Variants in TRIP10 observed in about 807,000 individuals in gnomAD.
TRIP10 encodes cdc42-interacting protein 4.
A neutral mutation model predicts 80.9 loss-of-function variants in TRIP10; 54 were observed. The ratio of observed to expected loss-of-function variants is 0.67; its 90% CI spans 0.54 to 0.84. The LOEUF (loss-of-function observed/expected upper bound fraction) is 0.84. Ranked by LOEUF, TRIP10 falls within the 40% of genes least tolerant of loss-of-function variation. TRIP10 has a pLI of 0.00. For synonymous variants in TRIP10, 321 were observed against 307.2 expected, an observed-to-expected ratio of 1.04 and a Z score of -0.47; for missense variants, 773 against 815.3, an observed-to-expected ratio of 0.95 and a Z score of 0.63.
Position 6,751,451 on chromosome 19 carries a change from C to CGG in TRIP10, c.*241_*242dup. The CGG allele has an allele frequency of 2.0e-6, 2 of 1,001,220 alleles. No individual in the cohort carries two copies. Among genetic ancestry groups the CGG allele is most frequent in the Middle Eastern group, 3.7e-4 (1 of 2,730 alleles). The allele number at this position is 1,001,220 out of a possible 1,614,324, so 62.0% of individuals were successfully genotyped here. On this transcript the variant is annotated 3_prime_UTR_variant, in exon 15 of 15. Coordinates refer to ENST00000313244, the MANE Select transcript of TRIP10 (RefSeq NM_001288962.2). ...TTTTACATCTTTTCTTTCTGCCGCTCGGCTCCGGCCATTTTGTTTTATACA... is the reference window on the plus strand; with the variant it reads ...TTTTACATCTTTTCTTTCTGCCGCTCGGGGCTCCGGCCATTTTGTTTTATACA...
Position 6,745,206 on chromosome 19 carries a change from G to A in TRIP10, c.984+212G>A. The A allele has an allele frequency of 3.1e-6, 2 of 645,860 alleles. No individual in the cohort carries two copies. The highest frequency in any genetic ancestry group is 5.1e-6 in the Non-Finnish European group (2 of 394,578). The allele number at this position is 645,860 out of a possible 1,614,324, so 40.0% of individuals were successfully genotyped here. Reference sequence around the variant, plus strand: ...CGGGGGCAGGGTGGGGAGGTGGGGAGGTCCGTGGCGTTTGTCTGCTGCTTC... The same window carrying A: ...CGGGGGCAGGGTGGGGAGGTGGGGAAGTCCGTGGCGTTTGTCTGCTGCTTC... On this transcript the variant is annotated intron_variant, in intron 9 of 14. Transcript: ENST00000313244. The surrounding 1 kb of genome is among the most constrained non-coding windows in gnomAD (Gnocchi z 7.2).
Position 6,745,727 on chromosome 19 carries a change from C to G in TRIP10, c.985-302C>G. The G allele has an allele frequency of 1.0e-6, 1 of 985,234 alleles. No individual in the cohort carries two copies. Among genetic ancestry groups the G allele is most frequent in the Non-Finnish European group, 1.2e-6 (1 of 829,886 alleles). The allele number at this position is 985,234 out of a possible 1,614,324, so 61.0% of individuals were successfully genotyped here. On this transcript the variant is annotated intron_variant, in intron 9 of 14. Transcript: ENST00000313244. The surrounding 1 kb of genome is among the most constrained non-coding windows in gnomAD (Gnocchi z 7.2). ...CTCCCGGACATAACATTCCAGAGAC[C>G]TAGGAGATACCGGGGGAGTGAGAGT... is the stretch of plus-strand genomic sequence containing the variant.
At position 6,743,267 on chromosome 19, in the gene TRIP10, A is replaced by C. The variant is rs766801302; in HGVS notation, c.408+11A>C. ...AAACAGCTGGAGAATGTGAGTTTGC[A>C]GAGGTAGCAGTGACTGTGGCCCGGA... On this transcript the variant is annotated intron_variant, in intron 5 of 14. Coordinates refer to ENST00000313244, the MANE Select transcript of TRIP10 (RefSeq NM_001288962.2). The C allele has an allele frequency of 4.2e-5, 68 of 1,613,000 alleles. No individual in the cohort carries two copies. Among genetic ancestry groups the C allele is most frequent in the Middle Eastern group, 1.9e-4 (1 of 5,404 alleles).
chr19:6,749,150 C>T (rs1969212362), intron 11 of TRIP10, among the ~76,000 whole-genome samples: 1 of 152,116 alleles, frequency 6.6e-6, no homozygotes, highest in Non-Finnish European at 1.5e-5. Context: ...CACCATTGCC[C>T]AGGCTGGTCT....
rs773529727 is a variant in TRIP10 at position 6,746,545 on chromosome 19, AAGG to A, written c.1250_1252del (p.Glu417del). On this transcript the variant is annotated inframe_deletion, in exon 11 of 15. Transcript: ENST00000313244. The surrounding 1 kb of genome is among the most constrained non-coding windows in gnomAD (Gnocchi z 6.2). ...GGAAGAACGCAGTCGTGAACTTCAG[AAGG>A]AGGTTGACCAGAGGTAAGGTGGTGG... 1.2e-5 allele frequency: 19 copies of A among 1,614,136 alleles called. No homozygotes were observed. The highest frequency in any genetic ancestry group is 1.6e-5 in the Non-Finnish European group (19 of 1,180,006).
chr19:6,743,303 C>G lies in TRIP10; in HGVS notation c.408+47C>G, dbSNP rs375507956. The G allele has an allele frequency of 5.3e-5, 85 of 1,607,358 alleles. No homozygotes were observed. The African/African-American group carries it at 1.1e-3, about 20-fold the overall frequency. ...TGACTGTGGCCCGGAGGCATGGGGG[C>G]AGGGTTGCGGATCCGGAGTCAGGGA... is the stretch of plus-strand genomic sequence containing the variant. On this transcript the variant is annotated intron_variant, in intron 5 of 14. Coordinates refer to ENST00000313244, the MANE Select transcript of TRIP10 (RefSeq NM_001288962.2).
chr19:6,746,124 C>T lies in TRIP10; in HGVS notation c.1080C>T (p.Ala360=). 2 of 1,548,142 alleles carry T rather than the reference C, an allele frequency of 1.3e-6. No individual in the cohort carries two copies. The highest frequency in any genetic ancestry group is 2.5e-5 in the East Asian group (1 of 40,748). ...PSPRSGRDPL[A]ILSEISKSVK... The stretch of plus-strand genomic sequence containing the variant: ...CCCGCTCCGGCCGTGACCCCTTGGC[C>T]ATACTGAGCGAGATCAGTAAGTCGG... The change falls in exon 10 of 15, where the codon GCC becomes GCT. Residue 360 remains alanine (A), a synonymous_variant. Coordinates refer to ENST00000313244, the MANE Select transcript of TRIP10 (RefSeq NM_001288962.2). This position sits in a 1 kb window ranked among gnomAD's most constrained non-coding sequence, Gnocchi z 6.2.
rs139253875 is a variant in TRIP10 at position 6,751,092 on chromosome 19, G to A, written c.1687G>A (p.Glu563Lys). ...GSSEGTISMA[E>K]GEDLSLMEED... ...CAGCGAGGGCACTATCTCTATGGCCGAGGGTGAAGACCTCAGTCTTATGGA... is the reference window on the plus strand; with the variant it reads ...CAGCGAGGGCACTATCTCTATGGCCAAGGGTGAAGACCTCAGTCTTATGGA... Residue 563 changes from glutamate to lysine, a missense_variant, in exon 15 of 15, where the codon GAG (glutamate) becomes AAG (lysine). Coordinates refer to ENST00000313244, the MANE Select transcript of TRIP10 (RefSeq NM_001288962.2). 1.3e-4 allele frequency: 206 copies of A among 1,602,146 alleles called. 1 individual carries two copies. The African/African-American group carries it at 2.2e-3, about 17-fold the overall frequency.
Position 6,745,981 on chromosome 19 carries a change from G to A in TRIP10, c.985-48G>A, listed in dbSNP as rs1486353903. The A allele has an allele frequency of 6.1e-6, 6 of 976,610 alleles. No individual in the cohort carries two copies. In the South Asian group the frequency reaches 1.6e-4, roughly 26 times the overall value. The allele number at this position is 976,610 out of a possible 1,614,324, so 60.5% of individuals were successfully genotyped here. On this transcript the variant is annotated intron_variant, in intron 9 of 14. Transcript: ENST00000313244. The surrounding 1 kb of genome is among the most constrained non-coding windows in gnomAD (Gnocchi z 7.2). ...GTCCTCACTCTCTACATCCTCCTAT[G>A]CCCCCCCACCCCTTCAACCTATCCC...
chr19:6,743,004 G>A lies in TRIP10; in HGVS notation c.235G>A (p.Glu79Lys). ...ACAGTCCTTCGTACAGATTCTCCAG[G>A]AGGTGAATGACTTTGCAGGCCAGCG... ...QQQSFVQILQ[E>K]VNDFAGQREL... Residue 79 changes from glutamate to lysine, a missense_variant, in exon 4 of 15, where the codon GAG becomes AAG. Coordinates refer to ENST00000313244, the MANE Select transcript of TRIP10 (RefSeq NM_001288962.2). 1 of 1,614,158 alleles carries A rather than the reference G, an allele frequency of 6.2e-7. No individual in the cohort carries two copies. The highest frequency in any genetic ancestry group is 8.5e-7 in the Non-Finnish European group (1 of 1,180,028).
chr19:6,739,816 C>G, intron 1 of TRIP10, 31 bp downstream of exon 1: 1 of 1,449,048 alleles, frequency 6.9e-7, no homozygotes. Flanking sequence ...TCTAAGTTCC[C>G]CTTTGCTGGG....
At chr19:6,739,971 G>A (rs1345904591) in intron 1 of TRIP10, among the ~76,000 whole-genome samples, 186 bp downstream of exon 1, 3 of 152,174 alleles carry the variant, frequency 2.0e-5, no homozygotes, top group African/African-American at 7.2e-5. Context: ...GGGGCGAAGG[G>A]CGACTTTGCC....
rs772150343 is a variant in TRIP10 at position 6,744,620 on chromosome 19, G to C, written c.709G>C (p.Ala237Pro). The change falls in exon 8 of 15, where the codon GCC becomes CCC. Residue 237 changes from alanine to proline, a missense_variant. Ala to Pro is a conservative substitution (Grantham distance 27). Transcript: ENST00000313244. This position sits in a 1 kb window ranked among gnomAD's most constrained non-coding sequence, Gnocchi z 4.9. The part of the protein sequence containing the change: ...LGAGYGLLSE[A>P]ELEVVPIIAK... The stretch of plus-strand genomic sequence containing the variant: ...TGCCGGGTATGGGCTCCTGTCGGAG[G>C]CCGAGCTGGAGGTGGTGCCCATAAT... 6.2e-7 allele frequency: 1 copy of C among 1,613,924 alleles called. No individual in the cohort carries two copies. The highest frequency in any genetic ancestry group is 1.7e-5 in the Admixed American group (1 of 59,934).
chr19:6,747,793 AAATAATAATAAT>A (rs10572023), intron 11 of TRIP10, among the ~76,000 whole-genome samples: 1 of 149,204 alleles, frequency 6.7e-6, no homozygotes, highest in African/African-American at 2.5e-5. Flanking sequence ...TCTCTACCTC[AAATAATAATAAT>A]AATAATAATA....
Position 6,746,289 on chromosome 19 carries a change from G to C in TRIP10, c.1152+93G>C, listed in dbSNP as rs1481943094. 3 of 1,486,022 alleles carry C rather than the reference G, an allele frequency of 2.0e-6. No homozygotes were observed. The highest frequency in any genetic ancestry group is 2.7e-6 in the Non-Finnish European group (3 of 1,111,736). 92.1% of individuals were successfully genotyped at this position (1,486,022 alleles called of 1,614,324 possible). Reference sequence around the variant, plus strand: ...TGGGCTCGCTTCCTGCCGCTGGCTGGGCCCCTCTTCCCTGGTTGCCCAACC... The same window carrying C: ...TGGGCTCGCTTCCTGCCGCTGGCTGCGCCCCTCTTCCCTGGTTGCCCAACC... On this transcript the variant is annotated intron_variant, in intron 10 of 14. Coordinates refer to ENST00000313244, the MANE Select transcript of TRIP10 (RefSeq NM_001288962.2). The surrounding 1 kb of genome is among the most constrained non-coding windows in gnomAD (Gnocchi z 6.2).
At chr19:6,742,779 CAAAAAA>C (rs151261595) in intron 3 of TRIP10, among the ~76,000 whole-genome samples, 182 bp from the exon 4 acceptor site, 2 of 121,708 alleles carry the variant, frequency 1.6e-5, no homozygotes, top group Non-Finnish European at 3.5e-5. Context: ...GACCCTGTCT[CAAAAAA>C]AAAAAAAAAA....
At position 6,745,760 on chromosome 19, in the gene TRIP10, T is replaced by TA; in HGVS notation, c.985-269_985-268insA. On this transcript the variant is annotated intron_variant, in intron 9 of 14. Coordinates refer to ENST00000313244, the MANE Select transcript of TRIP10 (RefSeq NM_001288962.2). The surrounding 1 kb of genome is among the most constrained non-coding windows in gnomAD (Gnocchi z 7.2). The stretch of plus-strand genomic sequence containing the variant: ...TACCGGGGGAGTGAGAGTTCTGGCT[T>TA]TCGGGCTTACAGTTCAACATCCTCC... 1 of 985,328 alleles carries TA rather than the reference T, an allele frequency of 1.0e-6. No individual in the cohort carries two copies. The highest frequency in any genetic ancestry group is 1.2e-6 in the Non-Finnish European group (1 of 829,910). 61.0% of individuals were successfully genotyped at this position (985,328 alleles called of 1,614,324 possible).
chr19:6,750,947 A>T, intron 14 of TRIP10, 116 bp from the exon 15 acceptor site: 1 of 1,385,058 alleles, frequency 7.2e-7, no homozygotes. Flanking sequence ...GGGAGCCAAG[A>T]TCCGTGCCAC....
Position 6,743,790 on chromosome 19 carries a change from G to C in TRIP10, c.596G>C (p.Arg199Pro). 1.2e-6 allele frequency: 2 copies of C among 1,614,004 alleles called. No homozygotes were observed. The highest frequency in any genetic ancestry group is 1.7e-6 in the Non-Finnish European group (2 of 1,180,022). Residue 199 changes from arginine to proline, a missense_variant, in exon 7 of 15, where the codon CGA becomes CCA. Coordinates refer to ENST00000313244, the MANE Select transcript of TRIP10 (RefSeq NM_001288962.2). The stretch of plus-strand genomic sequence containing the variant: ...GCGGCTCAACTGCAGCGCTTCAACC[G>C]AGACCAAGCCCACTTCTATTTTTCA... The part of the protein sequence containing the change: ...EYAAQLQRFN[R>P]DQAHFYFSQM...
Sources: allele counts gnomAD v4.1 joint callset (sites outside exome capture counted in the v4.1 genomes callset), GRCh38; gene constraint gnomAD v4.1.1; non-coding constraint Gnocchi (gnomAD v3.1); transcripts MANE v1.5; gene names NCBI Gene and HGNC (gene_info 2026-07-23, HGNC 2026-07-21).